LPAR3: variants seen among roughly 807,000 people sequenced by gnomAD.
LPAR3 encodes lysophosphatidic acid receptor 3, also known as LPA receptor 3.
Under a neutral mutation model 17.8 loss-of-function variants are expected in LPAR3, and 7 were observed. That is an observed-to-expected ratio of 0.39 (90% confidence interval 0.22 to 0.74). LPAR3 has a LOEUF of 0.74. Among genes scored for constraint, LPAR3 ranks in the 30% least tolerant of loss-of-function variants. LPAR3 has a pLI of 0.40. For synonymous variants in LPAR3, 179 were observed against 179.9 expected, an observed-to-expected ratio of 0.99 and a Z score of 0.04; for missense variants, 391 against 453.4, an observed-to-expected ratio of 0.86 and a Z score of 1.25.
intron 1 of LPAR3, 135 bp from the exon 2 acceptor site, chr1:84,866,273 A>T: frequency 1.5e-6 from 1 of 661,864 alleles, no homozygotes; most frequent in South Asian, 1.9e-5. Context: ...GTCTCAGTGC[A>T]AATGTCCTTT....
chr1:84,813,148 T>TAGAGAGAGAGAG lies in LPAR3; in HGVS notation c.*697_*698insCTCTCTCTCTCT, dbSNP rs1410120645. ...AGGAATATATATATATATATATATA[T>TAGAGAGAGAGAG]ATATATATATAGACACACACACACA... On this transcript the variant is annotated 3_prime_UTR_variant, in exon 3 of 3. Coordinates refer to ENST00000370611, the MANE Select transcript of LPAR3 (RefSeq NM_012152.3). 104 of 109,186 alleles carry TAGAGAGAGAGAG rather than the reference T, an allele frequency of 9.5e-4. 2 individuals are homozygous for TAGAGAGAGAGAG. Among genetic ancestry groups the TAGAGAGAGAGAG allele is most frequent in the Admixed American group, 8.8e-3 (88 of 9,952 alleles). The allele number at this position is 109,186 out of a possible 1,614,324, so 6.8% of individuals were successfully genotyped here.
At chr1:84,880,418 G>T (rs558689017) in intron 1 of LPAR3, among the ~76,000 whole-genome samples, 2 of 152,316 alleles carry the variant, frequency 1.3e-5, no homozygotes, top group Admixed American at 1.3e-4. Context: ...AAAGTCAATT[G>T]CCCGTGTAGC....
At chr1:84,892,794 C>A (rs536304620) in intron 1 of LPAR3, among the ~76,000 whole-genome samples, 2 of 152,270 alleles carry the variant, frequency 1.3e-5, no homozygotes, top group African/African-American at 4.8e-5. Context: ...TTGCTCCTAG[C>A]GGGGAAAAAG....
intron 1 of LPAR3, among the ~76,000 whole-genome samples, chr1:84,883,628 T>C (rs1660403241): frequency 1.3e-5 from 2 of 152,186 alleles, no homozygotes; most frequent in Admixed American, 1.3e-4. Context: ...AGATGGGCAG[T>C]TCAGCATTCT....
intron 1 of LPAR3, 38 bp from the exon 2 acceptor site, chr1:84,866,176 TAAA>T: frequency 1.4e-6 from 2 of 1,468,214 alleles, no homozygotes; most frequent in Non-Finnish European, 1.8e-6. Context: ...ATATCATTTG[TAAA>T]ATCAGTCACT....
At chr1:84,840,758 G>C (rs1053224930) in intron 2 of LPAR3, among the ~76,000 whole-genome samples, 3 of 152,178 alleles carry the variant, frequency 2.0e-5, no homozygotes, top group African/African-American at 7.2e-5. Flanking sequence ...TCAAAGTGAA[G>C]CTGATGCCTC....
chr1:84,841,909 G>C (rs978216285), intron 2 of LPAR3, among the ~76,000 whole-genome samples: 1 of 152,058 alleles, frequency 6.6e-6, no homozygotes, highest in African/African-American at 2.4e-5. Flanking sequence ...CAGAAAATTT[G>C]CAAAAGAAAG....
At chr1:84,815,350 A>G (rs1658912615) in intron 2 of LPAR3, among the ~76,000 whole-genome samples, 1 of 152,144 alleles carries the variant, frequency 6.6e-6, no homozygotes, top group Admixed American at 6.5e-5. Context: ...GAAGCTAACA[A>G]TGTGCCAGGA....
At chr1:84,836,664 T>C (rs1220733613) in intron 2 of LPAR3, among the ~76,000 whole-genome samples, 1 of 152,218 alleles carries the variant, frequency 6.6e-6, no homozygotes, top group African/African-American at 2.4e-5. Flanking sequence ...TAGTTCTCTC[T>C]GAAGCTGAGA....
chr1:84,839,104 A>G (rs1659459769), intron 2 of LPAR3, among the ~76,000 whole-genome samples: 1 of 152,206 alleles, frequency 6.6e-6, no homozygotes, highest in African/African-American at 2.4e-5. Flanking sequence ...CCTCCGAGGT[A>G]GGTATTATCA....
chr1:84,887,557 A>T lies in LPAR3; in HGVS notation c.-19+5459T>A, dbSNP rs566996709. ...AAGGTGTTTTCAAACACCTTTGGGG[A>T]AACAAAGGGAAACGAAGGAAAAATG... On this transcript the variant is annotated intron_variant, in intron 1 of 2. Transcript: ENST00000370611. Among the ~76,000 whole-genome samples, 8 of 152,264 alleles carry T rather than the reference A, an allele frequency of 5.3e-5. No individual in the cohort carries two copies. In the East Asian group the frequency reaches 1.5e-3, roughly 29 times the overall value.
chr1:84,872,664 AC>A (rs932462357), intron 1 of LPAR3, among the ~76,000 whole-genome samples: 5 of 152,238 alleles, frequency 3.3e-5, no homozygotes, highest in African/African-American at 4.8e-5. Flanking sequence ...GCAGAAGAAT[AC>A]CAAATAAATA....
intron 2 of LPAR3, among the ~76,000 whole-genome samples, chr1:84,849,055 C>A (rs75322259): frequency 0.045 from 6,867 of 152,180 alleles, 184 homozygotes; most frequent in Middle Eastern, 0.085. Context: ...AAACACTGAC[C>A]TTCCAAGGGA....
intron 1 of LPAR3, among the ~76,000 whole-genome samples, chr1:84,866,428 G>C (rs1418613931): frequency 6.6e-6 from 1 of 152,188 alleles, no homozygotes; most frequent in African/African-American, 2.4e-5. Context: ...TGCTCTGTCT[G>C]CCTCATGGTG....
In LPAR3 at chr1:84,811,754, T is replaced by G. The variant is rs368155335; in HGVS notation, c.*2092A>C. The G allele has an allele frequency of 2.0e-5, 3 of 152,326 alleles. No homozygotes were observed. The South Asian group carries it at 6.2e-4, about 32-fold the overall frequency. The allele number at this position is 152,326 out of a possible 1,614,324, so 9.4% of individuals were successfully genotyped here. A position where few individuals can be genotyped will look rare whatever the true frequency, so the allele number is the denominator to read the frequency against. The stretch of plus-strand genomic sequence containing the variant: ...TTAGAAGCATGACATCTCAAATCCT[T>G]TTATTACAAGTAGTTCTTGCACATA... On this transcript the variant is annotated 3_prime_UTR_variant, in exon 3 of 3. Transcript: ENST00000370611.
chr1:84,882,637 T>C (rs934734972), intron 1 of LPAR3, among the ~76,000 whole-genome samples: 1 of 152,166 alleles, frequency 6.6e-6, no homozygotes, highest in Non-Finnish European at 1.5e-5. Flanking sequence ...GTCCAACATA[T>C]AGACCAGTGG....
chr1:84,830,150 G>A lies in LPAR3; in HGVS notation c.737-15979C>T, dbSNP rs531245797. ...AAAAGTTCTTGGTCAAGGTCAACCT[G>A]TTCTCGTAGCTAGTTCTGCTAGTTC... On this transcript the variant is annotated intron_variant, in intron 2 of 2. Coordinates refer to ENST00000370611, the MANE Select transcript of LPAR3 (RefSeq NM_012152.3). Among the ~76,000 whole-genome samples the A allele has an allele frequency of 2.0e-5, 3 of 152,310 alleles. No individual in the cohort carries two copies. The South Asian group carries it at 6.2e-4, about 32-fold the overall frequency.
intron 1 of LPAR3, among the ~76,000 whole-genome samples, chr1:84,887,985 T>C (rs1003215166): frequency 2.6e-5 from 4 of 152,034 alleles, no homozygotes; most frequent in Admixed American, 6.5e-5. Flanking sequence ...TGTATCAATG[T>C]CCATTTCCTG....
chr1:84,879,343 G>T lies in LPAR3; in HGVS notation c.-18-13205C>A, dbSNP rs143916689. On this transcript the variant is annotated intron_variant, in intron 1 of 2. Transcript: ENST00000370611. ...TTTTTTTTTTTTGAGATGGAATCTCGCTGTGTCGCCCAGGCTGGAGGACAG... is the reference window on the plus strand; with the variant it reads ...TTTTTTTTTTTTGAGATGGAATCTCTCTGTGTCGCCCAGGCTGGAGGACAG... Among the ~76,000 whole-genome samples the T allele has an allele frequency of 7.8e-5, 8 of 102,028 alleles. No homozygotes were observed. In the East Asian group the frequency reaches 1.2e-3, roughly 16 times the overall value. 66.9% of individuals were successfully genotyped at this position (102,028 alleles called of 152,430 possible).
Sources: allele counts gnomAD v4.1 joint callset (sites outside exome capture counted in the v4.1 genomes callset), GRCh38; gene constraint gnomAD v4.1.1; transcripts MANE v1.5; gene names NCBI Gene and HGNC (gene_info 2026-07-23, HGNC 2026-07-21).